The following C9 variants were observed in gnomAD, a reference collection of about 807,000 sequenced individuals.
C9 encodes the protein complement C9, also known as complement component C9.
C9 carries 63 observed loss-of-function variants against 65.4 expected under a neutral mutation model. That is an observed-to-expected ratio of 0.96 (90% CI 0.79 to 1.19). The LOEUF (loss-of-function observed/expected upper bound fraction) is 1.19. Among genes scored for constraint, C9 ranks in the 50% most tolerant of loss-of-function variants. The pLI is 0.00. For missense variants in C9, 744 were observed against 670.1 expected (o/e 1.11, Z -1.22); for synonymous variants, 229 against 227.9 (o/e 1.00, Z -0.04).
chr5:39,329,290 T>A (rs1753804239), intron 5 of C9, among the ~76,000 whole-genome samples: 2 of 152,208 alleles, frequency 1.3e-5, no homozygotes, highest in African/African-American at 4.8e-5. Flanking sequence ...GCTAAGTCTT[T>A]AACTAATTAT....
At chr5:39,288,276 T>A (rs1176729211) in intron 10 of C9, among the ~76,000 whole-genome samples, 3 of 151,770 alleles carry the variant, frequency 2.0e-5, no homozygotes, top group Non-Finnish European at 4.4e-5. Context: ...GGGGCGGGGA[T>A]GTGGTACAAA....
chr5:39,308,401 C>A, intron 7 of C9, 43 bp from the exon 8 acceptor site: 1 of 1,454,208 alleles, frequency 6.9e-7, no homozygotes, highest in Non-Finnish European at 9.7e-7. Context: ...TAATGTCTAC[C>A]AACATCACAA....
intron 10 of C9, among the ~76,000 whole-genome samples, chr5:39,285,720 A>C (rs1752980981): frequency 6.6e-6 from 1 of 151,078 alleles, no homozygotes; most frequent in Non-Finnish European, 1.5e-5. Context: ...TTTTCCTTTA[A>C]GGAAGTGAGC....
chr5:39,356,131 T>C (rs1370157141), intron 1 of C9, among the ~76,000 whole-genome samples: 1 of 152,218 alleles, frequency 6.6e-6, no homozygotes, highest in Non-Finnish European at 1.5e-5. Flanking sequence ...TTTTCAAAGC[T>C]CATTTTCTCA....
At chr5:39,333,727 TCA>T (rs1753892305) in intron 4 of C9, among the ~76,000 whole-genome samples, 1 of 151,938 alleles carries the variant, frequency 6.6e-6, no homozygotes, top group Non-Finnish European at 1.5e-5. Flanking sequence ...TTCTCCTGCC[TCA>T]GCCTGCCGAG....
At chr5:39,292,464 T>C (rs1753114396) in intron 9 of C9, among the ~76,000 whole-genome samples, 1 of 151,626 alleles carries the variant, frequency 6.6e-6, no homozygotes, top group Non-Finnish European at 1.5e-5. Flanking sequence ...TACTAGCTAA[T>C]GCACACTAAA....
chr5:39,344,331 C>T (rs866262104), intron 1 of C9, among the ~76,000 whole-genome samples: 2 of 152,138 alleles, frequency 1.3e-5, no homozygotes, highest in Non-Finnish European at 2.9e-5. Flanking sequence ...CCTTAAATGA[C>T]CTGATGGAGC....
At chr5:39,314,759 G>C (rs1272394781) in intron 6 of C9, among the ~76,000 whole-genome samples, 4 of 152,142 alleles carry the variant, frequency 2.6e-5, no homozygotes, top group Non-Finnish European at 5.9e-5. Context: ...AGCTAAGCCT[G>C]AGCTTCCTTT....
chr5:39,325,967 CCTT>C (rs1358480153), intron 5 of C9, among the ~76,000 whole-genome samples: 1 of 152,148 alleles, frequency 6.6e-6, no homozygotes, highest in Non-Finnish European at 1.5e-5. Context: ...AGAACCCACT[CCTT>C]CTTTGGTAGA....
intron 8 of C9, 85 bp from the exon 9 acceptor site, chr5:39,306,877 T>A: frequency 3.4e-6 from 3 of 885,730 alleles, no homozygotes; most frequent in Middle Eastern, 6.2e-4. Context: ...TAAACATTTA[T>A]TGAGTCCTTT....
At chr5:39,345,020 A>G (rs1754163736) in intron 1 of C9, among the ~76,000 whole-genome samples, 1 of 152,202 alleles carries the variant, frequency 6.6e-6, no homozygotes, top group Admixed American at 6.5e-5. Context: ...TCCTGAAGGA[A>G]GCACCAAACA....
intron 5 of C9, among the ~76,000 whole-genome samples, chr5:39,328,267 G>A (rs1156414602): frequency 3.3e-5 from 5 of 152,342 alleles, no homozygotes; most frequent in African/African-American, 1.2e-4. Flanking sequence ...GGTATTCTCT[G>A]TCAAGTTGGA....
intron 1 of C9, among the ~76,000 whole-genome samples, chr5:39,363,289 G>C (rs1474694530): frequency 2.6e-5 from 4 of 152,172 alleles, no homozygotes; most frequent in African/African-American, 4.8e-5. Context: ...CTGGATCCAG[G>C]GCCCATGTTC....
At chr5:39,302,736 A>G in intron 9 of C9, among the ~76,000 whole-genome samples, 1 of 152,126 alleles carries the variant, frequency 6.6e-6, no homozygotes, top group East Asian at 1.9e-4. Flanking sequence ...AGCAACAAAA[A>G]TGAACTACAT....
chr5:39,302,673 T>C (rs967089863), intron 9 of C9, among the ~76,000 whole-genome samples: 2 of 152,062 alleles, frequency 1.3e-5, no homozygotes, highest in South Asian at 2.1e-4. Flanking sequence ...TATGAGTGGT[T>C]GAGGGAAATG....
chr5:39,331,711 G>C lies in C9; in HGVS notation c.580C>G (p.Arg194Gly). The C allele has an allele frequency of 1.2e-6, 2 of 1,613,758 alleles. 1 individual carries two copies. Among genetic ancestry groups the C allele is most frequent in the Admixed American group, 3.3e-5 (2 of 60,016 alleles). ...DRDGNTLTYY[R>G]RPWNVASLIY... ...AAAGAAGCCACGTTCCAAGGTCTTC[G>C]GTAGTATGTCAGAGTGTTTCCATCC... is the stretch of plus-strand genomic sequence containing the variant. The change falls in exon 5 of 11, where the codon CGA (arginine) becomes GGA (glycine). Residue 194 changes from arginine to glycine, a missense_variant. Arg to Gly is a moderately radical substitution (Grantham distance 125). Transcript: ENST00000263408.
At position 39,288,918 on chromosome 5, in the gene C9, T is replaced by C; in HGVS notation, c.1450A>G (p.Met484Val). The change falls in exon 10 of 11, where the codon ATG becomes GTG. Residue 484 changes from methionine to valine, a missense_variant. Met to Val is a conservative substitution (Grantham distance 21). Transcript: ENST00000263408. ...TGTTTCTTTAGGTGTGCATTTTTCA[T>C]TTTCACTGGAACCAGATTATATATA... The part of the protein sequence containing the change: ...SPIYNLVPVK[M>V]KNAHLKKQNL... 1 of 1,609,228 alleles carries C rather than the reference T, an allele frequency of 6.2e-7. No homozygotes were observed. Among genetic ancestry groups the C allele is most frequent in the Non-Finnish European group, 8.5e-7 (1 of 1,176,078 alleles).
chr5:39,301,397 G>T (rs777898002), intron 9 of C9, among the ~76,000 whole-genome samples: 1 of 146,188 alleles, frequency 6.8e-6, no homozygotes, highest in Non-Finnish European at 1.5e-5. Flanking sequence ...CCTGAAACAG[G>T]AAAAAAAAAA....
At chr5:39,324,498 G>C (rs182112093) in intron 5 of C9, among the ~76,000 whole-genome samples, 25 of 152,262 alleles carry the variant, frequency 1.6e-4, no homozygotes, top group Non-Finnish European at 3.4e-4. Flanking sequence ...AGCGTAGAGG[G>C]CCACTTTCAG....
Sources: allele counts gnomAD v4.1 joint callset (sites outside exome capture counted in the v4.1 genomes callset), GRCh38; gene constraint gnomAD v4.1.1; transcripts MANE v1.5; gene names NCBI Gene and HGNC (gene_info 2026-07-23, HGNC 2026-07-21).